Variants in EPHA7 observed in about 807,000 individuals in gnomAD.
The protein encoded by EPHA7 is ephrin type-A receptor 7.
In EPHA7, 25 loss-of-function variants were observed where a neutral mutation model predicts 112.6. The observed-to-expected ratio is 0.22, with a 90% CI of 0.16 to 0.31. EPHA7 has a LOEUF of 0.31. EPHA7 is among the 10% of genes least tolerant of loss of function. The pLI, the probability that EPHA7 is intolerant of heterozygous loss-of-function variation, is 1.00. For missense variants in EPHA7, 962 were observed against 1,212.6 expected (o/e 0.79, Z 3.07); for synonymous variants, 437 against 406.5 (o/e 1.07, Z -0.90).
At chr6:93,294,227 A>G (rs1174853161) in intron 5 of EPHA7, among the ~76,000 whole-genome samples, 1 of 152,228 alleles carries the variant, frequency 6.6e-6, no homozygotes, top group Non-Finnish European at 1.5e-5. Context: ...TTGAATGTGA[A>G]GATGACAACA....
chr6:93,392,208 G>A (rs1777945286), intron 3 of EPHA7, among the ~76,000 whole-genome samples: 1 of 151,898 alleles, frequency 6.6e-6, no homozygotes, highest in Non-Finnish European at 1.5e-5. Context: ...ATCTGCAGGC[G>A]TAGAAAGTGA....
chr6:93,393,557 C>T (rs934638310), intron 3 of EPHA7, among the ~76,000 whole-genome samples: 4 of 151,780 alleles, frequency 2.6e-5, no homozygotes, highest in Admixed American at 2.6e-4. Context: ...ATTCCAAATA[C>T]ACTGATTAAC....
At chr6:93,246,057 T>TC (rs947882052) in intron 15 of EPHA7, among the ~76,000 whole-genome samples, 1 of 150,338 alleles carries the variant, frequency 6.7e-6, no homozygotes, top group Admixed American at 6.7e-5. Context: ...TTTTTTCTTT[T>TC]CTTTTTTTTT....
chr6:93,255,920 T>A lies in EPHA7; in HGVS notation c.2290A>T (p.Ile764Phe). The change falls in exon 13 of 17, where the codon ATT (isoleucine) becomes TTT (phenylalanine). Residue 764 changes from isoleucine (I) to phenylalanine (F), a missense_variant. Around this residue, in one of 3 missense-constraint regions of EPHA7, gnomAD observed 746 missense variants for 889.2 expected, o/e 0.84. Transcript: ENST00000369303. ...YVHRDLAARN[I>F]LVNSNLVCKV... ...CAAACGAGATTGCTGTTGACAAGAA[T>A]ATTGCGAGCTGCAAGGTCCCTGTGA... 6.2e-7 allele frequency: 1 copy of A among 1,614,082 alleles called. No homozygotes were observed. The highest frequency in any genetic ancestry group is 8.5e-7 in the Non-Finnish European group (1 of 1,180,004).
At chr6:93,255,173 G>A (rs1259167890) in intron 13 of EPHA7, among the ~76,000 whole-genome samples, 2 of 137,808 alleles carry the variant, frequency 1.5e-5, no homozygotes, top group Non-Finnish European at 1.6e-5. Context: ...GTGTAAACCC[G>A]TCTCTACTAA....
intron 5 of EPHA7, among the ~76,000 whole-genome samples, chr6:93,326,314 C>G (rs1305178110): frequency 6.6e-6 from 1 of 151,272 alleles, no homozygotes; most frequent in African/African-American, 2.4e-5. Flanking sequence ...AATCACAACC[C>G]TAATTTCAAT....
intron 5 of EPHA7, among the ~76,000 whole-genome samples, chr6:93,308,469 T>C (rs1349863038): frequency 6.6e-6 from 1 of 152,100 alleles, no homozygotes; most frequent in Non-Finnish European, 1.5e-5. Flanking sequence ...TATGTAGGAC[T>C]GGGAAATGTT....
chr6:93,359,854 T>TAGAGAGAGAGAGAGAGAG lies in EPHA7; in HGVS notation c.833-1461_833-1444dup, dbSNP rs57690732. 7.7e-4 allele frequency among the ~76,000 whole-genome samples: 97 copies of TAGAGAGAGAGAGAGAGAG among 125,264 alleles called. 1 individual carries two copies. Among genetic ancestry groups the TAGAGAGAGAGAGAGAGAG allele is most frequent in the Non-Finnish European group, 1.2e-3 (68 of 58,148 alleles). The allele number at this position is 125,264 out of a possible 152,430, so 82.2% of individuals were successfully genotyped here. A position where few individuals can be genotyped will look rare whatever the true frequency, so the allele number is the denominator to read the frequency against. On this transcript the variant is annotated intron_variant, in intron 3 of 16. Coordinates refer to ENST00000369303, the MANE Select transcript of EPHA7 (RefSeq NM_004440.4). ...TATAGATCCATCGATCAATAGATGA[T>TAGAGAGAGAGAGAGAGAG]AGAGAGAGAGAGAGAGAGAGAGATA...
chr6:93,348,665 T>C (rs1221809897), intron 5 of EPHA7, among the ~76,000 whole-genome samples: 1 of 151,910 alleles, frequency 6.6e-6, no homozygotes, highest in African/African-American at 2.4e-5. Context: ...TGACTATACT[T>C]GAAATTATTA....
chr6:93,362,503 C>G (rs916779135), intron 3 of EPHA7, among the ~76,000 whole-genome samples: 2 of 151,946 alleles, frequency 1.3e-5, no homozygotes, highest in Admixed American at 6.6e-5. Context: ...TAAAAAAGCA[C>G]CAAAATTCTG....
chr6:93,385,478 T>G (rs1360312625), intron 3 of EPHA7, among the ~76,000 whole-genome samples: 1 of 152,104 alleles, frequency 6.6e-6, no homozygotes, highest in Non-Finnish European at 1.5e-5. Context: ...GATTGCATTT[T>G]TTAATTTATA....
At chr6:93,310,985 T>C (rs1773504929) in intron 5 of EPHA7, among the ~76,000 whole-genome samples, 1 of 152,010 alleles carries the variant, frequency 6.6e-6, no homozygotes, top group Non-Finnish European at 1.5e-5. Flanking sequence ...TTTTGTTTTG[T>C]TTTTTGAGTG....
intron 3 of EPHA7, among the ~76,000 whole-genome samples, chr6:93,394,795 C>A (rs1328138268): frequency 2.6e-5 from 4 of 151,742 alleles, no homozygotes; most frequent in Non-Finnish European, 5.9e-5. Context: ...AGGAAATCTA[C>A]CGTGTCAGAT....
intron 3 of EPHA7, among the ~76,000 whole-genome samples, chr6:93,389,198 T>C (rs1359227621): frequency 6.6e-6 from 1 of 152,100 alleles, no homozygotes; most frequent in East Asian, 1.9e-4. Flanking sequence ...TTTATTGATA[T>C]CTTACCATGA....
chr6:93,332,240 C>G (rs1472806609), intron 5 of EPHA7, among the ~76,000 whole-genome samples: 1 of 151,276 alleles, frequency 6.6e-6, no homozygotes, highest in African/African-American at 2.4e-5. Context: ...ACAAGGAGAA[C>G]TGAATAAAGC....
At chr6:93,405,799 G>GTATATATA (rs1778669511) in intron 3 of EPHA7, among the ~76,000 whole-genome samples, 1 of 68,878 alleles carries the variant, frequency 1.5e-5, no homozygotes, top group Non-Finnish European at 2.7e-5. Context: ...GTGTGTGTGT[G>GTATATATA]TGTGTGTGTG....
intron 5 of EPHA7, among the ~76,000 whole-genome samples, chr6:93,305,170 G>T (rs1249914970): frequency 6.6e-6 from 1 of 151,412 alleles, no homozygotes; most frequent in Non-Finnish European, 1.5e-5. Flanking sequence ...TATGTATGTA[G>T]AATCAATGCA....
Position 93,240,561 on chromosome 6 carries a change from A to G in EPHA7, c.*2865T>C, listed in dbSNP as rs1769647872. 4.6e-6 allele frequency: 1 copy of G among 219,562 alleles called. No homozygotes were observed. The highest frequency in any genetic ancestry group is 9.1e-6 in the Non-Finnish European group (1 of 109,512). The allele number at this position is 219,562 out of a possible 1,614,324, so 13.6% of individuals were successfully genotyped here. A position where few individuals can be genotyped will look rare whatever the true frequency, so the allele number is the denominator to read the frequency against. ...ATTGCTGAGAAAATGTTAGATTCAA[A>G]TGTAGAACAAGTTACTTTTATTTCA... On this transcript the variant is annotated 3_prime_UTR_variant, in exon 17 of 17. Transcript: ENST00000369303.
intron 5 of EPHA7, among the ~76,000 whole-genome samples, chr6:93,330,917 C>T (rs1398125424): frequency 6.6e-6 from 1 of 151,286 alleles, no homozygotes; most frequent in Admixed American, 6.6e-5. Context: ...TTATTAACTC[C>T]TTACTCTATA....
Sources: gnomAD v4.1 joint callset for allele counts (sites outside exome capture counted in the v4.1 genomes callset) on GRCh38, gnomAD v4.1.1 for gene constraint, gnomAD v4.1.1 regional missense constraint, MANE v1.5 for transcripts, NCBI Gene and HGNC (gene_info 2026-07-23, HGNC 2026-07-21) for gene names.